PRKD3: variants seen among roughly 807,000 people sequenced by gnomAD.
The protein encoded by PRKD3 is serine/threonine-protein kinase D3.
A neutral mutation model predicts 99.2 loss-of-function variants in PRKD3; 47 were observed. The observed-to-expected ratio is 0.47, with a 90% confidence interval of 0.38 to 0.60. PRKD3 has a LOEUF of 0.60. Ranked by LOEUF, PRKD3 falls within the 20% of genes least tolerant of loss-of-function variation. PRKD3 has a pLI of 0.00. For missense variants in PRKD3, 1,019 were observed against 1,088.4 expected (o/e 0.94, Z 0.90); for synonymous variants, 392 against 355.4 (o/e 1.10, Z -1.16).
intron 17 of PRKD3, 22 bp from the exon 18 acceptor site, chr2:37,254,311 G>C (rs1667761920): frequency 2.5e-6 from 4 of 1,593,660 alleles, no homozygotes; most frequent in Non-Finnish European, 2.6e-6. Flanking sequence ...GACAAAACAA[G>C]ATACATGAAT....
In PRKD3 at chr2:37,270,639, T is replaced by A. The variant is rs148831030; in HGVS notation, c.1705-952A>T. ...GGAACTTCACTTAGCAGACCCACAC[T>A]TATAAAGACAAAGCCTCAGCCCTGC... is the stretch of plus-strand genomic sequence containing the variant. On this transcript the variant is annotated intron_variant, in intron 12 of 18. Coordinates refer to ENST00000234179, the MANE Select transcript of PRKD3 (RefSeq NM_005813.6). Among the ~76,000 whole-genome samples, 35 of 152,180 alleles carry A rather than the reference T, an allele frequency of 2.3e-4. 1 individual carries two copies. The highest frequency in any genetic ancestry group is 8.4e-4 in the African/African-American group (35 of 41,450).
At position 37,251,311 on chromosome 2, in the gene PRKD3, T is replaced by TA. The variant is rs1257750444; in HGVS notation, c.*1865dup. On this transcript the variant is annotated 3_prime_UTR_variant, in exon 19 of 19. Coordinates refer to ENST00000234179, the MANE Select transcript of PRKD3 (RefSeq NM_005813.6). ...GTATTTATGGGTAGATAGTACAGCATAATGGTTGGGAGGGCTAAGGGTAAG... is the reference window on the plus strand; with the variant it reads ...GTATTTATGGGTAGATAGTACAGCATAAATGGTTGGGAGGGCTAAGGGTAAG... 6.6e-6 allele frequency: 1 copy of TA among 152,536 alleles called. No individual in the cohort carries two copies. Among genetic ancestry groups the TA allele is most frequent in the Non-Finnish European group, 1.5e-5 (1 of 68,012 alleles). The allele number at this position is 152,536 out of a possible 1,614,324, so 9.4% of individuals were successfully genotyped here. A position where few individuals can be genotyped will look rare whatever the true frequency, so the allele number is the denominator to read the frequency against.
intron 2 of PRKD3, among the ~76,000 whole-genome samples, chr2:37,306,666 G>C (rs1201644025): frequency 2.6e-5 from 4 of 152,068 alleles, no homozygotes; most frequent in African/African-American, 9.7e-5. Flanking sequence ...AAAATTAGCC[G>C]AGCGTGGTGG....
intron 5 of PRKD3, among the ~76,000 whole-genome samples, chr2:37,287,260 AAAAAAAAGAAAAAG>A (rs1558556264): frequency 3.6e-5 from 5 of 139,480 alleles, no homozygotes; most frequent in African/African-American, 1.5e-4. Context: ...AAAAAAAAAA[AAAAAAAAGAAAAAG>A]AAAAAGAAAA....
rs1030396198 is a variant in PRKD3 at position 37,292,966 on chromosome 2, A to G, written c.427+167T>C. 11 of 716,668 alleles carry G rather than the reference A, an allele frequency of 1.5e-5. No individual in the cohort carries two copies. In the African/African-American group the frequency reaches 1.6e-4, roughly 10 times the overall value. 44.4% of individuals were successfully genotyped at this position (716,668 alleles called of 1,614,324 possible). A position where few individuals can be genotyped will look rare whatever the true frequency, so the allele number is the denominator to read the frequency against. On this transcript the variant is annotated intron_variant, in intron 3 of 18. Transcript: ENST00000234179. ...CAGGTATTTTTCTTTCTTAATGGTG[A>G]TATAACATGCCTGAAAGGAAAAATC... is the stretch of plus-strand genomic sequence containing the variant.
intron 14 of PRKD3, 137 bp from the exon 15 acceptor site, chr2:37,260,521 A>G (rs1326588322): frequency 1.2e-6 from 1 of 815,986 alleles, no homozygotes; most frequent in African/African-American, 1.8e-5. Context: ...AATAAAAATT[A>G]CAATCAATGA....
chr2:37,300,775 A>G (rs537238532), intron 2 of PRKD3, among the ~76,000 whole-genome samples: 38 of 152,338 alleles, frequency 2.5e-4, no homozygotes, highest in African/African-American at 8.7e-4. Flanking sequence ...TCCTATGTAC[A>G]TATCTTTTCC....
chr2:37,282,436 T>G (rs1669896117), intron 7 of PRKD3, 106 bp downstream of exon 7: 1 of 763,486 alleles, frequency 1.3e-6, no homozygotes. Flanking sequence ...AGAAAATCTT[T>G]AAGAAACAAA....
At chr2:37,286,145 A>G in intron 6 of PRKD3, 32 bp downstream of exon 6, 1 of 1,515,670 alleles carries the variant, frequency 6.6e-7, no homozygotes, top group East Asian at 2.3e-5. Context: ...AAACAGACAT[A>G]AATTTTAATT....
chr2:37,316,488 A>G lies in PRKD3; in HGVS notation c.37T>C (p.Ser13Pro). 6.2e-7 allele frequency: 1 copy of G among 1,614,084 alleles called. No individual in the cohort carries two copies. Among genetic ancestry groups the G allele is most frequent in the Non-Finnish European group, 8.5e-7 (1 of 1,179,942 alleles). ...GCAGGAATAGCTGTGGGTAATACAG[A>G]CTTCTGGGCTGATGGAGGGGAATTA... Reference protein sequence around the residue: ...ANNSPPSAQKSVLPTAIPAVL... With the variant: ...ANNSPPSAQKPVLPTAIPAVL... The change falls in exon 2 of 19, where the codon TCT (serine) becomes CCT (proline). Residue 13 changes from serine (S) to proline (P), a missense_variant. This residue lies in a region of PRKD3 where 710 missense variants were observed against 692.7 expected (regional missense o/e 1.02). Coordinates refer to ENST00000234179, the MANE Select transcript of PRKD3 (RefSeq NM_005813.6).
intron 14 of PRKD3, among the ~76,000 whole-genome samples, chr2:37,267,168 T>C (rs1668901399): frequency 6.6e-6 from 1 of 152,216 alleles, no homozygotes; most frequent in African/African-American, 2.4e-5. Flanking sequence ...AGCAACCTTC[T>C]GACAAAATGT....
chr2:37,288,303 A>C (rs1670219527), intron 5 of PRKD3, among the ~76,000 whole-genome samples: 1 of 152,020 alleles, frequency 6.6e-6, no homozygotes, highest in African/African-American at 2.4e-5. Flanking sequence ...GGTTTATACC[A>C]ACCCCTCATT....
At chr2:37,319,542 T>G (rs1671788775) in intron 1 of PRKD3, among the ~76,000 whole-genome samples, 2 of 152,168 alleles carry the variant, frequency 1.3e-5, no homozygotes. Flanking sequence ...AATGGGGAAA[T>G]GCTTACTTGT....
intron 1 of PRKD3, among the ~76,000 whole-genome samples, chr2:37,319,771 C>A (rs1671800034): frequency 6.6e-6 from 1 of 150,762 alleles, no homozygotes; most frequent in Non-Finnish European, 1.5e-5. Context: ...AAAAAAAAAT[C>A]ATGCACGCAA....
chr2:37,258,307 C>T (rs770246858), intron 16 of PRKD3, among the ~76,000 whole-genome samples: 1 of 152,094 alleles, frequency 6.6e-6, no homozygotes, highest in Non-Finnish European at 1.5e-5. Flanking sequence ...GGCTGCTTCT[C>T]GATTTCAGTG....
chr2:37,267,106 A>G (rs1266859442), intron 14 of PRKD3, among the ~76,000 whole-genome samples: 1 of 152,236 alleles, frequency 6.6e-6, no homozygotes, highest in Admixed American at 6.5e-5. Flanking sequence ...CTTTACTTGC[A>G]CAGTAATTGC....
chr2:37,262,994 C>A (rs980336479), intron 14 of PRKD3, among the ~76,000 whole-genome samples: 2 of 151,936 alleles, frequency 1.3e-5, no homozygotes, highest in African/African-American at 4.8e-5. Flanking sequence ...TCCCTTCCCC[C>A]ACACAGCAAA....
chr2:37,284,902 A>T (rs1379566602), intron 6 of PRKD3, among the ~76,000 whole-genome samples: 1 of 152,144 alleles, frequency 6.6e-6, no homozygotes, highest in Non-Finnish European at 1.5e-5. Flanking sequence ...TTAACTCGTC[A>T]TTTAACATTA....
intron 18 of PRKD3, 200 bp from the exon 19 acceptor site, chr2:37,253,550 A>T: frequency 2.1e-6 from 1 of 484,708 alleles, no homozygotes; most frequent in Non-Finnish European, 3.5e-6. Context: ...TCAAACTCAG[A>T]GTCTCCAATG....
Sources: gnomAD v4.1 joint callset for allele counts (sites outside exome capture counted in the v4.1 genomes callset) on GRCh38, gnomAD v4.1.1 for gene constraint, gnomAD v4.1.1 regional missense constraint, MANE v1.5 for transcripts, NCBI Gene and HGNC (gene_info 2026-07-23, HGNC 2026-07-21) for gene names.